GRIA3: variants seen among roughly 807,000 people sequenced by gnomAD.
GRIA3 encodes the protein glutamate ionotropic receptor AMPA type subunit 3.
Under a neutral mutation model 63.0 loss-of-function variants are expected in GRIA3, and 3 were observed. The ratio of observed to expected loss-of-function variants is 0.05; its 90% CI spans 0.02 to 0.12. GRIA3 has a LOEUF of 0.12. Ranked by LOEUF, GRIA3 falls within the 10% of genes least tolerant of loss-of-function variation. The probability of loss-of-function intolerance (pLI) is 1.00; values close to 1 mark genes in which losing one functional copy is unlikely to be tolerated. For synonymous variants in GRIA3, 274 were observed against 257.9 expected (o/e 1.06, Z -0.60); for missense variants, 347 against 700.9 (o/e 0.50, Z 5.70).
At chrX:123,345,234 TA>T (rs1308259215) in intron 4 of GRIA3, among the ~76,000 whole-genome samples, 3 of 110,842 alleles carry the variant, frequency 2.7e-5, no homozygotes, top group African/African-American at 9.9e-5. Flanking sequence ...ACTGTCAGAG[TA>T]GGGCAGCCCA....
chrX:123,354,124 C>T (rs967559576), intron 4 of GRIA3, among the ~76,000 whole-genome samples: 4 of 111,740 alleles, frequency 3.6e-5, no homozygotes, highest in African/African-American at 1.3e-4. Flanking sequence ...AATGATGATA[C>T]TGAGGAAGGG....
intron 11 of GRIA3, among the ~76,000 whole-genome samples, chrX:123,418,702 G>A (rs1244012161): frequency 1.8e-5 from 2 of 112,144 alleles, no homozygotes; most frequent in Admixed American, 9.5e-5. Flanking sequence ...ACAATGAGAT[G>A]CTTCCATACA....
At chrX:123,227,395 C>A (rs191123178) in intron 2 of GRIA3, among the ~76,000 whole-genome samples, 512 of 111,780 alleles carry the variant, frequency 4.6e-3, no homozygotes, top group Middle Eastern at 9.2e-3. Context: ...AATGAATGGA[C>A]GAATGAATGG....
intron 4 of GRIA3, among the ~76,000 whole-genome samples, chrX:123,343,401 A>G (rs1258459547): frequency 9.0e-6 from 1 of 111,512 alleles, no homozygotes; most frequent in Non-Finnish European, 1.9e-5. Context: ...AAACTTGTTC[A>G]GTGCCCATCC....
intron 12 of GRIA3, among the ~76,000 whole-genome samples, chrX:123,456,531 G>C (rs1275096618): frequency 9.0e-6 from 1 of 110,777 alleles, no homozygotes; most frequent in East Asian, 2.8e-4. Context: ...TGAGACTTGT[G>C]ACTACATTAA....
At chrX:123,463,476 G>C in intron 12 of GRIA3, among the ~76,000 whole-genome samples, 1 of 102,419 alleles carries the variant, frequency 9.8e-6, no homozygotes, top group Admixed American at 1.1e-4. Flanking sequence ...CTTGAGCCTG[G>C]GAGGTCAAGG....
intron 13 of GRIA3, among the ~76,000 whole-genome samples, chrX:123,479,461 T>C (rs924046687): frequency 1.2e-4 from 13 of 112,400 alleles, no homozygotes; most frequent in African/African-American, 4.2e-4. Flanking sequence ...GTTTGTGGAG[T>C]AAGAACATGT....
At chrX:123,237,092 G>A (rs1463747298) in intron 2 of GRIA3, among the ~76,000 whole-genome samples, 1 of 111,741 alleles carries the variant, frequency 8.9e-6, no homozygotes, top group East Asian at 2.8e-4. Flanking sequence ...GTATCAGCCA[G>A]GTTTTGAAAG....
intron 3 of GRIA3, among the ~76,000 whole-genome samples, chrX:123,271,427 G>A (rs765711926): frequency 8.9e-6 from 1 of 111,942 alleles, no homozygotes; most frequent in Admixed American, 9.5e-5. Context: ...TTTTTAGAGA[G>A]GGTAAGTGAT....
intron 2 of GRIA3, among the ~76,000 whole-genome samples, chrX:123,192,347 G>A (rs956807580): frequency 2.7e-5 from 3 of 111,592 alleles, no homozygotes; most frequent in South Asian, 3.8e-4. Context: ...AAGGGTGGGA[G>A]AGAAGCTATC....
At chrX:123,285,771 G>C (rs770509895) in intron 3 of GRIA3, among the ~76,000 whole-genome samples, 1 of 110,377 alleles carries the variant, frequency 9.1e-6, no homozygotes, top group Non-Finnish European at 1.9e-5. Context: ...CATAAAGCAA[G>C]TTCTTAGAGA....
chrX:123,289,179 A>G (rs2044640137), intron 3 of GRIA3, among the ~76,000 whole-genome samples: 1 of 110,999 alleles, frequency 9.0e-6, no homozygotes, highest in African/African-American at 3.3e-5. Context: ...ACAGAAAACC[A>G]AACACTGCAT....
rs1210636429 is a variant in GRIA3 at position 123,480,078 on chromosome X, T to C, written c.2340T>C (p.Leu780=). 1.7e-6 allele frequency: 2 copies of C among 1,185,098 alleles called. No individual in the cohort carries two copies. The highest frequency in any genetic ancestry group is 4.3e-5 in the Admixed American group (2 of 45,984). Reference sequence around the variant, plus strand: ...CCACGTGAAGAACGCCTGTAAACCTTGCAGTATTGAAACTCAGTGAACAAG... The same window carrying C: ...CCACGTGAAGAACGCCTGTAAACCTCGCAGTATTGAAACTCAGTGAACAAG... ...KGSALRTPVN[L]AVLKLSEQGI... is the part of the protein sequence containing the mutation. The change falls in exon 14 of 16, where the codon CTT becomes CTC. Residue 780 remains leucine (L), a synonymous_variant. Transcript: ENST00000620443.
chrX:123,335,587 T>C (rs1259740500), intron 4 of GRIA3, among the ~76,000 whole-genome samples: 1 of 111,910 alleles, frequency 8.9e-6, no homozygotes, highest in Admixed American at 9.5e-5. Context: ...ATTTTAGCAT[T>C]AAGGCTGGTA....
Position 123,398,666 on chromosome X carries a change from C to G in GRIA3, c.943C>G (p.Leu315Val), listed in dbSNP as rs963280623. The G allele has an allele frequency of 3.3e-6, 4 of 1,207,339 alleles. No individual in the cohort carries two copies. Among genetic ancestry groups the G allele is most frequent in the Non-Finnish European group, 4.5e-6 (4 of 891,792 alleles). The stretch of plus-strand genomic sequence containing the variant: ...ATCTGCATTGACACACGACGCAATA[C>G]TGGTCATAGCAGAAGCTTTCCGCTA... ...YTSALTHDAI[L>V]VIAEAFRYLR... The change falls in exon 7 of 16, where the codon CTG becomes GTG. Residue 315 changes from leucine (L) to valine (V), a missense_variant. By Grantham distance (32) the Leu-to-Val change is conservative. This residue lies in a region of GRIA3 where 65 missense variants were observed against 145.8 expected (regional missense o/e 0.45). Coordinates refer to ENST00000620443, the MANE Select transcript of GRIA3 (RefSeq NM_007325.5).
At chrX:123,200,135 ATC>A (rs1031248358) in intron 2 of GRIA3, among the ~76,000 whole-genome samples, 11 of 111,018 alleles carry the variant, frequency 9.9e-5, no homozygotes, top group African/African-American at 3.6e-4. Context: ...ACCTTCTGTT[ATC>A]TCTTTTTCTC....
chrX:123,285,634 C>T lies in GRIA3; in HGVS notation c.508+32092C>T, dbSNP rs912111304. Among the ~76,000 whole-genome samples, 6 of 56,320 alleles carry T rather than the reference C, an allele frequency of 1.1e-4. No individual in the cohort carries two copies. In the Admixed American group the frequency reaches 1.2e-3, roughly 11 times the overall value. The allele number at this position is 56,320 out of a possible 115,157, so 48.9% of individuals were successfully genotyped here. Reference sequence around the variant, plus strand: ...GTTGCAGTCCTAGTCTCTGATAAAACAAACTTTAAACCAACAAAGACCAAA... The same window carrying T: ...GTTGCAGTCCTAGTCTCTGATAAAATAAACTTTAAACCAACAAAGACCAAA... On this transcript the variant is annotated intron_variant, in intron 3 of 15. Coordinates refer to ENST00000620443, the MANE Select transcript of GRIA3 (RefSeq NM_007325.5).
chrX:123,351,191 T>TA (rs1265420439), intron 4 of GRIA3, among the ~76,000 whole-genome samples: 2 of 112,199 alleles, frequency 1.8e-5, no homozygotes, highest in Admixed American at 9.5e-5. Flanking sequence ...TGTTCATCTA[T>TA]AACAGATGGA....
chrX:123,472,908 C>T (rs1371642339), intron 13 of GRIA3, among the ~76,000 whole-genome samples: 2 of 112,684 alleles, frequency 1.8e-5, no homozygotes, highest in Non-Finnish European at 1.9e-5. Context: ...TCTCTTTGCA[C>T]TTATATTAAA....
Sources: gnomAD v4.1 joint callset for allele counts (sites outside exome capture counted in the v4.1 genomes callset) on GRCh38, gnomAD v4.1.1 for gene constraint, gnomAD v4.1.1 regional missense constraint, MANE v1.5 for transcripts, NCBI Gene and HGNC (gene_info 2026-07-23, HGNC 2026-07-21) for gene names.